The following KIAA0825 variants were observed in gnomAD, a reference collection of about 807,000 sequenced individuals.
KIAA0825 encodes the protein uncharacterized protein KIAA0825.
KIAA0825 carries 119 observed loss-of-function variants against 147.6 expected under a neutral mutation model. That is an observed-to-expected ratio of 0.81 (90% CI 0.69 to 0.94). The LOEUF is 0.94. Among genes scored for constraint, KIAA0825 ranks in the 40% least tolerant of loss-of-function variants. The pLI is 0.00. For missense variants in KIAA0825, 1,381 were observed against 1,472.7 expected (o/e 0.94, Z 1.02); for synonymous variants, 470 against 518.1 (o/e 0.91, Z 1.26).
At chr5:94,462,718 A>C in intron 11 of KIAA0825, 149 bp from the exon 12 acceptor site, 2 of 465,666 alleles carry the variant, frequency 4.3e-6, no homozygotes, top group Non-Finnish European at 7.6e-6. Flanking sequence ...AACCAAAAAG[A>C]AAGTATCAAA....
chr5:94,570,291 G>A (rs1779701992), intron 2 of KIAA0825: 1 of 152,606 alleles, frequency 6.6e-6, no homozygotes, highest in Admixed American at 6.6e-5. Flanking sequence ...GACCTCCTGG[G>A]CGACCCAGAC....
chr5:94,546,792 C>CAA (rs372542896), intron 2 of KIAA0825, among the ~76,000 whole-genome samples: 4,040 of 49,572 alleles, frequency 0.081, 211 homozygotes, highest in Non-Finnish European at 0.092. Flanking sequence ...GTCCAGGCAC[C>CAA]AAAAAAAAAA....
intron 14 of KIAA0825, among the ~76,000 whole-genome samples, chr5:94,418,728 G>A (rs1161885752): frequency 6.6e-6 from 1 of 152,030 alleles, no homozygotes; most frequent in African/African-American, 2.4e-5. Context: ...AAGCCATTTT[G>A]GGGAGAACTT....
rs62364620 is a variant in KIAA0825, at chr5:94,534,767, C to T, written c.131+2229G>A. ...AAAAATAAGCAATCCAGAACAAAAG[C>T]ATCAGAGTTCAGTGACTTGTTTTAT... On this transcript the variant is annotated intron_variant, in intron 3 of 20. Transcript: ENST00000682413. Among the ~76,000 whole-genome samples the T allele has an allele frequency of 6.6e-3, 1,003 of 152,154 alleles. 6 individuals are homozygous for T. Among genetic ancestry groups the T allele is most frequent in the Non-Finnish European group, 0.011 (721 of 67,948 alleles).
intron 14 of KIAA0825, among the ~76,000 whole-genome samples, chr5:94,437,464 G>A (rs1316928406): frequency 6.6e-6 from 1 of 152,138 alleles, no homozygotes; most frequent in African/African-American, 2.4e-5. Context: ...GTTTGAGCAG[G>A]TTGGGTAAAT....
At chr5:94,318,888 G>A (rs1051065994) in intron 20 of KIAA0825, among the ~76,000 whole-genome samples, 1 of 151,814 alleles carries the variant, frequency 6.6e-6, no homozygotes, top group African/African-American at 2.4e-5. Flanking sequence ...CCTGAAGACG[G>A]ATTTTTTTCT....
At chr5:94,187,277 A>AC (rs1554239040) in intron 20 of KIAA0825, among the ~76,000 whole-genome samples, 1 of 151,216 alleles carries the variant, frequency 6.6e-6, no homozygotes, top group East Asian at 1.9e-4. Context: ...GAAAACTAGC[A>AC]TTTTTTAGCC....
chr5:94,543,939 G>C (rs1001768633), intron 2 of KIAA0825, among the ~76,000 whole-genome samples: 1 of 152,184 alleles, frequency 6.6e-6, no homozygotes, highest in African/African-American at 2.4e-5. Context: ...CCCTTGTTTA[G>C]CATATCATCA....
chr5:94,404,516 C>G (rs1025502174), intron 15 of KIAA0825, among the ~76,000 whole-genome samples: 4 of 151,928 alleles, frequency 2.6e-5, no homozygotes, highest in Admixed American at 2.6e-4. Flanking sequence ...TAGAATCTTA[C>G]CAAGAGTTTC....
intron 2 of KIAA0825, chr5:94,569,514 G>A (rs1015776771): frequency 5.1e-5 from 21 of 409,786 alleles, no homozygotes; most frequent in Middle Eastern, 6.4e-4. Context: ...AAAAACCATC[G>A]TTGTATTTCA....
In KIAA0825 at chr5:94,539,040, G is replaced by A. The variant is rs142688840; in HGVS notation, c.-1-1913C>T. Among the ~76,000 whole-genome samples the A allele has an allele frequency of 7.0e-3, 1,064 of 152,290 alleles. 8 individuals are homozygous for A. The highest frequency in any genetic ancestry group is 0.024 in the African/African-American group (1,015 of 41,550). On this transcript the variant is annotated intron_variant, in intron 2 of 20. Transcript: ENST00000682413. ...CATTCTAAGTCACAGGATGAGATAGGAGGTCAGCACAAAGTACAGATCATA... is the reference window on the plus strand; with the variant it reads ...CATTCTAAGTCACAGGATGAGATAGAAGGTCAGCACAAAGTACAGATCATA...
chr5:94,361,568 G>C (rs1745061851), intron 20 of KIAA0825, among the ~76,000 whole-genome samples: 1 of 152,162 alleles, frequency 6.6e-6, no homozygotes, highest in Admixed American at 6.5e-5. Context: ...CAAAATTACG[G>C]ATGCTTTTAC....
intron 13 of KIAA0825, among the ~76,000 whole-genome samples, chr5:94,442,185 C>A (rs1280052827): frequency 6.6e-6 from 1 of 152,134 alleles, no homozygotes; most frequent in East Asian, 1.9e-4. Flanking sequence ...TTCAAAGACA[C>A]AAAATGAAAA....
chr5:94,165,846 A>T (rs1213855081), intron 20 of KIAA0825, among the ~76,000 whole-genome samples: 1 of 152,210 alleles, frequency 6.6e-6, no homozygotes, highest in African/African-American at 2.4e-5. Context: ...GATGGTTACC[A>T]GAGGCTGGGA....
chr5:94,561,035 T>TA (rs1364904985), intron 2 of KIAA0825, among the ~76,000 whole-genome samples: 1 of 152,240 alleles, frequency 6.6e-6, no homozygotes, highest in East Asian at 1.9e-4. Context: ...GGAGCTAGTC[T>TA]AAAAAAACCA....
chr5:94,541,744 G>C (rs1773362708), intron 2 of KIAA0825, among the ~76,000 whole-genome samples: 1 of 152,180 alleles, frequency 6.6e-6, no homozygotes, highest in Non-Finnish European at 1.5e-5. Flanking sequence ...GAATACATTT[G>C]TCTGTAAGGT....
intron 18 of KIAA0825, among the ~76,000 whole-genome samples, chr5:94,388,435 G>A (rs1162431087): frequency 6.6e-6 from 1 of 152,110 alleles, no homozygotes; most frequent in Non-Finnish European, 1.5e-5. Context: ...ACTAAACATT[G>A]TTAATGATAA....
intron 6 of KIAA0825, among the ~76,000 whole-genome samples, chr5:94,478,544 A>G (rs116735590): frequency 2.2e-3 from 329 of 152,148 alleles, no homozygotes; most frequent in African/African-American, 7.8e-3. Context: ...ACTGCAGTTT[A>G]AGAATCCTAT....
chr5:94,152,540 A>G lies in KIAA0825; in HGVS notation c.*1467T>C, dbSNP rs993946726. 6.6e-6 allele frequency among the ~76,000 whole-genome samples: 1 copy of G among 151,714 alleles called. No homozygotes were observed. The highest frequency in any genetic ancestry group is 2.4e-5 in the African/African-American group (1 of 41,282). ...CCATCTCTACAAAAACATTTTAAAA[A>G]TTAACCAGGTGTGGTGGCACACAAC... On this transcript the variant is annotated 3_prime_UTR_variant, in exon 21 of 21. Transcript: ENST00000682413.
Sources: allele counts gnomAD v4.1 joint callset (sites outside exome capture counted in the v4.1 genomes callset), GRCh38; gene constraint gnomAD v4.1.1; transcripts MANE v1.5; gene names NCBI Gene and HGNC (gene_info 2026-07-23, HGNC 2026-07-21).